The following TAF7L variants were observed in gnomAD, a reference collection of about 807,000 sequenced individuals.
TAF7L encodes transcription initiation factor TFIID subunit 7-like.
A neutral mutation model predicts 30.2 loss-of-function variants in TAF7L; 6 were observed. The ratio of observed to expected loss-of-function variants is 0.20; its 90% confidence interval spans 0.11 to 0.39. TAF7L has a LOEUF of 0.39. Among genes scored for constraint, TAF7L ranks in the 10% least tolerant of loss-of-function variants. The pLI is 1.00. For missense variants in TAF7L, 284 were observed against 277.1 expected (o/e 1.03, Z -0.18); for synonymous variants, 93 against 94.5 (o/e 0.98, Z 0.09).
At chrX:101,272,245 C>T (rs1176630209) in intron 12 of TAF7L, among the ~76,000 whole-genome samples, 1 of 111,775 alleles carries the variant, frequency 8.9e-6, no homozygotes, top group Non-Finnish European at 1.9e-5. Context: ...GAAATACATA[C>T]ATCCTTAATG....
intron 1 of TAF7L, 146 bp from the exon 2 acceptor site, chrX:101,287,691 C>T: frequency 2.5e-6 from 1 of 393,097 alleles, no homozygotes; most frequent in East Asian, 4.1e-5. Context: ...TACAGTTAGA[C>T]AATACCTTAT....
At chrX:101,281,873 A>G in intron 5 of TAF7L, 98 bp from the exon 6 acceptor site, 1 of 745,267 alleles carries the variant, frequency 1.3e-6, no homozygotes, top group Non-Finnish European at 1.9e-6. Context: ...CCAAAGGGTC[A>G]TGACATCACT....
At chrX:101,269,371 A>G in intron 12 of TAF7L, 134 bp from the exon 13 acceptor site, 1 of 566,322 alleles carries the variant, frequency 1.8e-6, no homozygotes. Flanking sequence ...TAGTCTTGCA[A>G]TGTTCCAGAG....
At chrX:101,272,235 G>C (rs1005427830) in intron 12 of TAF7L, among the ~76,000 whole-genome samples, 2 of 111,664 alleles carry the variant, frequency 1.8e-5, no homozygotes, top group Non-Finnish European at 3.8e-5. Flanking sequence ...GTTCAAGTTA[G>C]AAATACATAC....
rs748762708 is a variant in TAF7L at position 101,277,980 on chromosome X, G to A, written c.577+69C>T. The A allele has an allele frequency of 6.6e-4, 635 of 961,480 alleles. 1 individual carries two copies. The highest frequency in any genetic ancestry group is 1.2e-3 in the South Asian group (62 of 50,303). The allele number at this position is 961,480 out of a possible 1,213,427, so 79.2% of individuals were successfully genotyped here. A position where few individuals can be genotyped will look rare whatever the true frequency, so the allele number is the denominator to read the frequency against. ...CAAGACTGGCACACAAACACCAGAG[G>A]TGAGGCTTCGTCAGCATGTACAAAT... On this transcript the variant is annotated intron_variant, in intron 8 of 12. Coordinates refer to ENST00000356784, the MANE Select transcript of TAF7L (RefSeq NM_001168474.2).
In TAF7L at chrX:101,280,046, T is replaced by TAAA. The variant is rs35674743; in HGVS notation, c.463-1014_463-1012dup. Among the ~76,000 whole-genome samples the TAAA allele has an allele frequency of 7.3e-4, 64 of 87,502 alleles. No homozygotes were observed. In the Middle Eastern group the frequency reaches 0.018, roughly 25 times the overall value. The allele number at this position is 87,502 out of a possible 115,157, so 76.0% of individuals were successfully genotyped here. A position where few individuals can be genotyped will look rare whatever the true frequency, so the allele number is the denominator to read the frequency against. On this transcript the variant is annotated intron_variant, in intron 6 of 12. Transcript: ENST00000356784. Reference sequence around the variant, plus strand: ...AATGGGCATCAGGCTTAAAAAGATGTAAAAAAAAAAAAAAAGCAGGAGAAA... The same window carrying TAAA: ...AATGGGCATCAGGCTTAAAAAGATGTAAAAAAAAAAAAAAAAAAGCAGGAGAAA...
In TAF7L at chrX:101,288,421, GC is replaced by G. The variant is rs1924682422; in HGVS notation, c.-2-877del. On this transcript the variant is annotated intron_variant, in intron 1 of 12. Transcript: ENST00000356784. ...GCCTCCCAAAGTGCTGGGATTACAGGCCTGAGCCACCGCGCCCAGCATGGAA... is the reference window on the plus strand; with the variant it reads ...GCCTCCCAAAGTGCTGGGATTACAGGCTGAGCCACCGCGCCCAGCATGGAA... Among the ~76,000 whole-genome samples, 3 of 107,945 alleles carry G rather than the reference GC, an allele frequency of 2.8e-5. No individual in the cohort carries two copies. In the South Asian group the frequency reaches 1.2e-3, roughly 44 times the overall value. 93.7% of individuals were successfully genotyped at this position (107,945 alleles called of 115,157 possible).
At chrX:101,289,437 TTTA>T (rs1455039678) in intron 1 of TAF7L, among the ~76,000 whole-genome samples, 11 of 112,142 alleles carry the variant, frequency 9.8e-5, no homozygotes, top group African/African-American at 3.2e-4. Flanking sequence ...AAGTTTTTAT[TTTA>T]TTATTTTTTA....
chrX:101,270,869 C>T (rs1227036441), intron 12 of TAF7L, among the ~76,000 whole-genome samples: 1 of 111,424 alleles, frequency 9.0e-6, no homozygotes, highest in East Asian at 2.8e-4. Context: ...TTATGACCTA[C>T]ACCAAAAATC....
chrX:101,270,613 C>A (rs939776834), intron 12 of TAF7L, among the ~76,000 whole-genome samples: 2 of 111,385 alleles, frequency 1.8e-5, no homozygotes, highest in African/African-American at 6.5e-5. Context: ...TCCACATACC[C>A]CTCCAAATCC....
At chrX:101,270,778 C>T (rs1923941258) in intron 12 of TAF7L, among the ~76,000 whole-genome samples, 1 of 111,034 alleles carries the variant, frequency 9.0e-6, no homozygotes, top group African/African-American at 3.3e-5. Context: ...CCAGGCTGTC[C>T]CCACTCCAAT....
chrX:101,291,798 G>GGAGATTGCAGTGAGCC, upstream of TAF7L, among the ~76,000 whole-genome samples: 1 of 107,650 alleles, frequency 9.3e-6, no homozygotes, highest in East Asian at 3.0e-4. Context: ...CCCGGGAGGT[G>GGAGATTGCAGTGAGCC]GAGATTGCAG....
chrX:101,291,638 G>C (rs904359835), upstream of TAF7L, among the ~76,000 whole-genome samples: 2 of 110,976 alleles, frequency 1.8e-5, no homozygotes, highest in Non-Finnish European at 3.8e-5. Context: ...AGGCCAAGGC[G>C]GGCAGATCTC....
rs768889307 is a variant in TAF7L at position 101,278,103 on chromosome X, C to G, written c.523G>C (p.Val175Leu). 3 of 1,210,470 alleles carry G rather than the reference C, an allele frequency of 2.5e-6. No homozygotes were observed. The Admixed American group carries it at 6.5e-5, about 26-fold the overall frequency. Residue 175 changes from valine to leucine, a missense_variant, in exon 8 of 13, where the codon GTG (valine) becomes CTG (leucine). Transcript: ENST00000356784. ...AGCAGTCTCTTTACTTCATTTTCCACGTCTGGAGATTCAATGTACTGAAGC... is the reference window on the plus strand; with the variant it reads ...AGCAGTCTCTTTACTTCATTTTCCAGGTCTGGAGATTCAATGTACTGAAGC... ...SFTEYIESPD[V>L]ENEVKRLLRS... is the part of the protein sequence containing the mutation.
intron 1 of TAF7L, among the ~76,000 whole-genome samples, chrX:101,288,374 C>T (rs1265674840): frequency 1.8e-5 from 2 of 109,708 alleles, no homozygotes; most frequent in Non-Finnish European, 3.8e-5. Flanking sequence ...AGCTCCTGAC[C>T]CCAAGTGATC....
Position 101,278,097 on chromosome X carries a change from T to G in TAF7L, c.529A>C (p.Asn177His). 2.5e-6 allele frequency: 3 copies of G among 1,211,108 alleles called. No individual in the cohort carries two copies. The highest frequency in any genetic ancestry group is 3.4e-6 in the Non-Finnish European group (3 of 894,992). ...TEYIESPDVE[N>H]EVKRLLRSDA... ...GAACGCAGCAGTCTCTTTACTTCAT[T>G]TTCCACGTCTGGAGATTCAATGTAC... The change falls in exon 8 of 13, where the codon AAT becomes CAT. Residue 177 changes from asparagine (N) to histidine (H), a missense_variant. Transcript: ENST00000356784.
In TAF7L at chrX:101,279,186, T is replaced by C. The variant is rs766645646; in HGVS notation, c.463-151A>G. On this transcript the variant is annotated intron_variant, in intron 6 of 12. Coordinates refer to ENST00000356784, the MANE Select transcript of TAF7L (RefSeq NM_001168474.2). Reference sequence around the variant, plus strand: ...CAGAGTATAAAAGCCAAGGCAACTGTGTTCATGGATTGGAAGACTCAATAT... The same window carrying C: ...CAGAGTATAAAAGCCAAGGCAACTGCGTTCATGGATTGGAAGACTCAATAT... 1.1e-5 allele frequency: 5 copies of C among 439,105 alleles called. No individual in the cohort carries two copies. The South Asian group carries it at 2.8e-4, about 24-fold the overall frequency. The allele number at this position is 439,105 out of a possible 1,213,427, so 36.2% of individuals were successfully genotyped here.
chrX:101,279,110 T>C (rs1382512158), intron 6 of TAF7L, 75 bp from the exon 7 acceptor site: 2 of 853,566 alleles, frequency 2.3e-6, no homozygotes, highest in African/African-American at 4.0e-5. Context: ...GCTCTACAAC[T>C]ATCCTTAACT....
intron 12 of TAF7L, among the ~76,000 whole-genome samples, chrX:101,272,767 A>G (rs1924009531): frequency 9.0e-6 from 1 of 111,373 alleles, no homozygotes; most frequent in African/African-American, 3.3e-5. Flanking sequence ...TATAGTTTAA[A>G]TGGGTGACTT....
Sources: gnomAD v4.1 joint callset for allele counts (sites outside exome capture counted in the v4.1 genomes callset) on GRCh38, gnomAD v4.1.1 for gene constraint, MANE v1.5 for transcripts, NCBI Gene and HGNC (gene_info 2026-07-23, HGNC 2026-07-21) for gene names.